The following INTS14 variants were observed in gnomAD, a reference collection of about 807,000 sequenced individuals.
INTS14 encodes the protein UPF0464 protein C15orf44.
In INTS14, 27 loss-of-function variants were observed where a neutral mutation model predicts 56.9. That is an observed-to-expected ratio of 0.47 (90% CI 0.35 to 0.65). The LOEUF (loss-of-function observed/expected upper bound fraction) is 0.65. Ranked by LOEUF, INTS14 falls within the 30% of genes least tolerant of loss-of-function variation. The pLI is 0.00. For synonymous variants in INTS14, 207 were observed against 236.2 expected, an observed-to-expected ratio of 0.88 and a Z score of 1.13; for missense variants, 517 against 632.2, an observed-to-expected ratio of 0.82 and a Z score of 1.95.
chr15:65,610,984 CG>C, intron 1 of INTS14, 113 bp downstream of exon 1: 1 of 1,493,956 alleles, frequency 6.7e-7, no homozygotes, highest in Non-Finnish European at 8.9e-7. Context: ...GCGGCCGCCA[CG>C]GTGGCGGGAA....
chr15:65,611,083 G>C lies in INTS14; in HGVS notation c.-63+15C>G, dbSNP rs943120558. ...CAGCGAAAGGCAGTCCCGGGCCCTC[G>C]GCCTCCCCACTCACCCCGTGCCCAT... is the stretch of plus-strand genomic sequence containing the variant. On this transcript the variant is annotated intron_variant, in intron 1 of 11. Transcript: ENST00000313182. The C allele has an allele frequency of 6.5e-7, 1 of 1,535,680 alleles. No individual in the cohort carries two copies. The highest frequency in any genetic ancestry group is 1.4e-5 in the African/African-American group (1 of 73,124).
At chr15:65,603,930 T>TAGCAATGTTTCTGCTTTTTCCTTC (rs2073541704) in intron 3 of INTS14, among the ~76,000 whole-genome samples, 1 of 152,244 alleles carries the variant, frequency 6.6e-6, no homozygotes, top group Non-Finnish European at 1.5e-5. Flanking sequence ...ATTTTTCTTT[T>TAGCAATGTTTCTGCTTTTTCCTTC]AGCAATGTTT....
intron 10 of INTS14, among the ~76,000 whole-genome samples, chr15:65,582,355 G>A (rs1297220348): frequency 6.6e-6 from 1 of 152,120 alleles, no homozygotes; most frequent in African/African-American, 2.4e-5. Flanking sequence ...GAGACAACTG[G>A]ATATCCACAA....
At chr15:65,610,889 T>C in intron 1 of INTS14, 5 of 1,489,516 alleles carry the variant, frequency 3.4e-6, no homozygotes, top group Non-Finnish European at 4.4e-6. Context: ...TCGTGCAGTT[T>C]ACGCGGAGCT....
intron 6 of INTS14, among the ~76,000 whole-genome samples, chr15:65,597,613 T>C (rs532270557): frequency 6.6e-6 from 1 of 152,274 alleles, no homozygotes; most frequent in East Asian, 1.9e-4. Context: ...GTACACTATA[T>C]CAGATCCAAG....
intron 6 of INTS14, among the ~76,000 whole-genome samples, chr15:65,596,846 G>C (rs995448365): frequency 2.0e-5 from 3 of 152,166 alleles, no homozygotes; most frequent in African/African-American, 7.2e-5. Context: ...CTACAGGTGT[G>C]AGCCACCGTG....
At position 65,588,493 on chromosome 15, in the gene INTS14, C is replaced by CCCTA. The variant is rs777589225; in HGVS notation, c.1120+3101_1120+3104dup. 7.3e-5 allele frequency among the ~76,000 whole-genome samples: 11 copies of CCCTA among 151,610 alleles called. No individual in the cohort carries two copies. In the South Asian group the frequency reaches 8.4e-4, roughly 12 times the overall value. On this transcript the variant is annotated intron_variant, in intron 9 of 11. Coordinates refer to ENST00000313182, the MANE Select transcript of INTS14 (RefSeq NM_001394796.1). ...CAGCCTGACCAACAACATGATGAAA[C>CCCTA]CCTATCTCTACTAAAAATACAACAA... is the stretch of plus-strand genomic sequence containing the variant.
At position 65,579,418 on chromosome 15, in the gene INTS14, T is replaced by G; in HGVS notation, c.1547A>C (p.Glu516Ala). ...LHTDFSGSST[E>A]RI Reference sequence around the variant, plus strand: ...CTCCAAAAGTCAGTTTCAAATTCTTTCAGTGCTGCTCCCAGAGAAGTCCGT... The same window carrying G: ...CTCCAAAAGTCAGTTTCAAATTCTTGCAGTGCTGCTCCCAGAGAAGTCCGT... The change falls in exon 12 of 12, where the codon GAA (glutamate) becomes GCA (alanine). Residue 516 changes from glutamate to alanine, a missense_variant. Physicochemically the swap from Glu to Ala is moderately radical, Grantham distance 107. Transcript: ENST00000313182. 1 of 1,608,070 alleles carries G rather than the reference T, an allele frequency of 6.2e-7. No individual in the cohort carries two copies. The highest frequency in any genetic ancestry group is 1.1e-5 in the South Asian group (1 of 90,680).
intron 6 of INTS14, among the ~76,000 whole-genome samples, chr15:65,596,790 C>T (rs2073229253): frequency 6.6e-6 from 1 of 152,010 alleles, no homozygotes; most frequent in African/African-American, 2.4e-5. Flanking sequence ...GGCTGGTCTC[C>T]CGACCTCAGG....
intron 7 of INTS14, 39 bp downstream of exon 7, chr15:65,595,694 A>G (rs747799896): frequency 1.3e-5 from 19 of 1,487,854 alleles, no homozygotes; most frequent in South Asian, 9.9e-5. Flanking sequence ...ACTTTAGTTA[A>G]TAAGACGCTT....
chr15:65,598,109 T>C (rs939916050), intron 6 of INTS14, among the ~76,000 whole-genome samples: 1 of 152,152 alleles, frequency 6.6e-6, no homozygotes, highest in Non-Finnish European at 1.5e-5. Context: ...GGATGCTCAA[T>C]CACTAAGTAA....
chr15:65,603,103 T>A (rs1277230684), intron 3 of INTS14, among the ~76,000 whole-genome samples: 1 of 152,192 alleles, frequency 6.6e-6, no homozygotes, highest in Non-Finnish European at 1.5e-5. Context: ...AAATAAGACA[T>A]CCTATATGCA....
chr15:65,582,041 AT>A (rs1422209239), intron 10 of INTS14, 22 bp from the exon 11 acceptor site: 2 of 1,554,964 alleles, frequency 1.3e-6, no homozygotes, highest in Middle Eastern at 1.7e-4. Context: ...AAAAAAAAAA[AT>A]CCAACATTAG....
Position 65,594,488 on chromosome 15 carries a change from G to T in INTS14, c.842-916C>A, listed in dbSNP as rs368746588. Among the ~76,000 whole-genome samples, 84 of 150,232 alleles carry T rather than the reference G, an allele frequency of 5.6e-4. No homozygotes were observed. The East Asian group carries it at 0.015, about 26-fold the overall frequency. On this transcript the variant is annotated intron_variant, in intron 7 of 11. Transcript: ENST00000313182. Reference sequence around the variant, plus strand: ...GCTCACTGCAAACTCCGCCTCCCAGGTTCACCCCATTCTCCTGCCTCAGCC... The same window carrying T: ...GCTCACTGCAAACTCCGCCTCCCAGTTTCACCCCATTCTCCTGCCTCAGCC...
intron 1 of INTS14, among the ~76,000 whole-genome samples, chr15:65,608,932 C>A (rs182195587): frequency 6.6e-6 from 1 of 152,230 alleles, no homozygotes; most frequent in Non-Finnish European, 1.5e-5. Context: ...CTTGCGACAT[C>A]TGTCGCCCAG....
At chr15:65,610,156 T>A (rs1397308511) in intron 1 of INTS14, among the ~76,000 whole-genome samples, 1 of 151,632 alleles carries the variant, frequency 6.6e-6, no homozygotes, top group Admixed American at 6.6e-5. Context: ...GGTCAGGAGT[T>A]CGAGACCAGT....
At position 65,594,563 on chromosome 15, in the gene INTS14, T is replaced by G. The variant is rs567808227; in HGVS notation, c.842-991A>C. ...GCCTGCCACTACGCCCAGGTTTTTTTTTTTTTTTTTTTGTATTTTTAGTGG... is the reference window on the plus strand; with the variant it reads ...GCCTGCCACTACGCCCAGGTTTTTTGTTTTTTTTTTTTGTATTTTTAGTGG... On this transcript the variant is annotated intron_variant, in intron 7 of 11. Coordinates refer to ENST00000313182, the MANE Select transcript of INTS14 (RefSeq NM_001394796.1). 8.1e-3 allele frequency among the ~76,000 whole-genome samples: 1,212 copies of G among 150,220 alleles called. 21 individuals carry two copies. The highest frequency in any genetic ancestry group is 0.028 in the African/African-American group (1,153 of 40,884).
At chr15:65,605,033 A>G in intron 3 of INTS14, 96 bp downstream of exon 3, 1 of 883,906 alleles carries the variant, frequency 1.1e-6, no homozygotes. Flanking sequence ...GTTTGTAGAA[A>G]TTACAATGCA....
chr15:65,591,923 G>A (rs2073047826), intron 8 of INTS14, among the ~76,000 whole-genome samples, 192 bp from the exon 9 acceptor site: 1 of 152,180 alleles, frequency 6.6e-6, no homozygotes, highest in Admixed American at 6.5e-5. Flanking sequence ...ATTCTTCTGA[G>A]ACATTTATTA....
Sources: allele counts gnomAD v4.1 joint callset (sites outside exome capture counted in the v4.1 genomes callset), GRCh38; gene constraint gnomAD v4.1.1; transcripts MANE v1.5; gene names NCBI Gene and HGNC (gene_info 2026-07-23, HGNC 2026-07-21).